Variants in KIFBP observed in about 807,000 individuals in gnomAD.
The protein encoded by KIFBP is KIF-binding protein.
In KIFBP, 46 loss-of-function variants were observed where a neutral mutation model predicts 58.9. That is an observed-to-expected ratio of 0.78 (90% CI 0.62 to 1.00). KIFBP has a LOEUF of 1.00. Ranked by LOEUF, KIFBP falls within the 50% of genes least tolerant of loss-of-function variation. The pLI, the probability that KIFBP is intolerant of heterozygous loss-of-function variation, is 0.00. For missense variants in KIFBP, 651 were observed against 752.9 expected (o/e 0.86, Z 1.58); for synonymous variants, 241 against 283.4 (o/e 0.85, Z 1.50).
intron 4 of KIFBP, among the ~76,000 whole-genome samples, chr10:69,008,079 T>G (rs989212895): frequency 6.6e-6 from 1 of 152,094 alleles, no homozygotes; most frequent in South Asian, 2.1e-4. Context: ...GAGTTTATCC[T>G]ATTTGCCTTT....
At chr10:69,015,335 C>CT (rs545220279) in intron 6 of KIFBP, 24 of 544,832 alleles carry the variant, frequency 4.4e-5, no homozygotes, top group African/African-American at 7.6e-5. Context: ...TATTTAAATA[C>CT]TTTTTTTTCC....
rs1211667916 is a variant in KIFBP, at chr10:69,008,377, T to TAAAAAAAAAAAAAA, written c.790-462_790-449dup. Among the ~76,000 whole-genome samples the TAAAAAAAAAAAAAA allele has an allele frequency of 1.9e-4, 14 of 75,414 alleles. 1 individual carries two copies. Among genetic ancestry groups the TAAAAAAAAAAAAAA allele is most frequent in the African/African-American group, 7.5e-4 (9 of 12,006 alleles). The allele number at this position is 75,414 out of a possible 152,430, so 49.5% of individuals were successfully genotyped here. A position where few individuals can be genotyped will look rare whatever the true frequency, so the allele number is the denominator to read the frequency against. On this transcript the variant is annotated intron_variant, in intron 4 of 6. Coordinates refer to ENST00000361983, the MANE Select transcript of KIFBP (RefSeq NM_015634.4). ...GGGCCAGAGTGAGACCCCTGTCTCG[T>TAAAAAAAAAAAAAA]AAAAAAAAAAAAAAATATATATATA... is the stretch of plus-strand genomic sequence containing the variant.
chr10:69,010,761 C>T, intron 5 of KIFBP, 139 bp from the exon 6 acceptor site: 1 of 669,888 alleles, frequency 1.5e-6, no homozygotes, highest in African/African-American at 1.8e-5. Context: ...GATCTTTCTT[C>T]CCTTTTCCCC....
chr10:69,009,073 C>A, intron 5 of KIFBP, 148 bp downstream of exon 5: 1 of 659,494 alleles, frequency 1.5e-6, no homozygotes, highest in South Asian at 1.7e-5. Flanking sequence ...CGCTTGGAAT[C>A]AAATTTTATT....
chr10:69,011,177 C>T (rs972266457), intron 6 of KIFBP, 162 bp downstream of exon 6: 16 of 633,086 alleles, frequency 2.5e-5, no homozygotes, highest in African/African-American at 5.5e-5. Context: ...TCGTATTCTT[C>T]GAATTGCTTG....
rs201438642 is a variant in KIFBP, at chr10:69,008,925, A to T, written c.874A>T (p.Thr292Ser). Reference sequence around the variant, plus strand: ...TGGAAAGATCTCAGCCACAGAAGACAGTAAGTTTACCTTTGCATGTTTTAC... The same window carrying T: ...TGGAAAGATCTCAGCCACAGAAGACTGTAAGTTTACCTTTGCATGTTTTAC... Reference protein sequence around the residue: ...QTGKISATEDTPEAEGEVPEL... With the variant: ...QTGKISATEDSPEAEGEVPEL... The change falls in exon 5 of 7, where the codon ACT becomes TCT. Residue 292 changes from threonine (T) to serine (S), a missense_variant and splice_region_variant. Coordinates refer to ENST00000361983, the MANE Select transcript of KIFBP (RefSeq NM_015634.4). 3 of 1,609,454 alleles carry T rather than the reference A, an allele frequency of 1.9e-6. No homozygotes were observed. In the South Asian group the frequency reaches 3.3e-5, roughly 18 times the overall value.
chr10:69,015,591 A>G lies in KIFBP; in HGVS notation c.1041A>G (p.Leu347=). ...ATAAACAGTCTGAACTTAGAGCTTT[A>G]AGGAAAAAAGAACTAGATGAGGAGG... The part of the protein sequence containing the change: ...DLDKQSELRA[L]RKKELDEEES... The change falls in exon 7 of 7, where the codon TTA becomes TTG. Residue 347 remains leucine (L), a synonymous_variant. Transcript: ENST00000361983. 6.2e-7 allele frequency: 1 copy of G among 1,613,490 alleles called. No homozygotes were observed.
chr10:68,998,771 A>ATATAT (rs1357079794), intron 1 of KIFBP, among the ~76,000 whole-genome samples: 4 of 99,856 alleles, frequency 4.0e-5, no homozygotes, highest in African/African-American at 7.4e-5. Context: ...ATATATATAT[A>ATATAT]TTTTTTTTTT....
chr10:69,016,324 G>A lies in KIFBP; in HGVS notation c.1774G>A (p.Glu592Lys). The A allele has an allele frequency of 6.2e-7, 1 of 1,610,528 alleles. No homozygotes were observed. Among genetic ancestry groups the A allele is most frequent in the Non-Finnish European group, 8.5e-7 (1 of 1,178,622 alleles). ...YCEKHPEAAQ[E>K]IEVELELSKE... ...TGAAAAGCATCCTGAGGCCGCCCAGGAAATAGAAGTTGAGCTAGAACTTAG... is the reference window on the plus strand; with the variant it reads ...TGAAAAGCATCCTGAGGCCGCCCAGAAAATAGAAGTTGAGCTAGAACTTAG... The change falls in exon 7 of 7, where the codon GAA (glutamate) becomes AAA (lysine). Residue 592 changes from glutamate to lysine, a missense_variant. Coordinates refer to ENST00000361983, the MANE Select transcript of KIFBP (RefSeq NM_015634.4).
intron 2 of KIFBP, among the ~76,000 whole-genome samples, chr10:69,002,356 A>G (rs1327077542): frequency 1.3e-5 from 2 of 151,684 alleles, no homozygotes; most frequent in African/African-American, 4.8e-5. Context: ...ACCGGGTTTC[A>G]CCATGTTGCC....
At position 69,008,377 on chromosome 10, in the gene KIFBP, T is replaced by TAAAAAAAAAAAAA. The variant is rs1211667916; in HGVS notation, c.790-461_790-449dup. Reference sequence around the variant, plus strand: ...GGGCCAGAGTGAGACCCCTGTCTCGTAAAAAAAAAAAAAAATATATATATA... The same window carrying TAAAAAAAAAAAAA: ...GGGCCAGAGTGAGACCCCTGTCTCGTAAAAAAAAAAAAAAAAAAAAAAAAAAAATATATATATA... On this transcript the variant is annotated intron_variant, in intron 4 of 6. Coordinates refer to ENST00000361983, the MANE Select transcript of KIFBP (RefSeq NM_015634.4). Among the ~76,000 whole-genome samples, 132 of 75,386 alleles carry TAAAAAAAAAAAAA rather than the reference T, an allele frequency of 1.8e-3. 12 individuals are homozygous for TAAAAAAAAAAAAA. Among genetic ancestry groups the TAAAAAAAAAAAAA allele is most frequent in the African/African-American group, 0.01 (121 of 11,978 alleles). The allele number at this position is 75,386 out of a possible 152,430, so 49.5% of individuals were successfully genotyped here.
At chr10:68,992,918 G>C (rs934045471) in intron 1 of KIFBP, among the ~76,000 whole-genome samples, 1 of 152,106 alleles carries the variant, frequency 6.6e-6, no homozygotes, top group African/African-American at 2.4e-5. Context: ...GTCACAGTAG[G>C]GTTGGGGAGG....
intron 1 of KIFBP, among the ~76,000 whole-genome samples, chr10:68,999,034 G>A (rs1000252727): frequency 6.6e-6 from 1 of 151,620 alleles, no homozygotes; most frequent in Admixed American, 6.6e-5. Context: ...GCCTACTTCG[G>A]CCTCCCAAAG....
chr10:68,994,736 A>G (rs1003250671), intron 1 of KIFBP, among the ~76,000 whole-genome samples: 2 of 152,122 alleles, frequency 1.3e-5, no homozygotes, highest in African/African-American at 4.8e-5. Context: ...TTAAGGGTAC[A>G]GTTTGATGAG....
intron 5 of KIFBP, among the ~76,000 whole-genome samples, chr10:69,010,183 T>G (rs1295630415): frequency 6.6e-6 from 1 of 152,236 alleles, no homozygotes; most frequent in Non-Finnish European, 1.5e-5. Context: ...CAAAATGTTC[T>G]TATTGAGCAT....
Position 68,989,054 on chromosome 10 carries a change from G to T in KIFBP, c.222G>T (p.Leu74=). 6.2e-7 allele frequency: 1 copy of T among 1,612,782 alleles called. No homozygotes were observed. Among genetic ancestry groups the T allele is most frequent in the East Asian group, 2.2e-5 (1 of 44,842 alleles). Residue 74 remains leucine, a synonymous_variant, in exon 1 of 7, where the codon CTG becomes CTT. Transcript: ENST00000361983. The part of the protein sequence containing the change: ...EDGPGAGDHA[L]GLPAEVVEPE... ...GCCCGGGTGCCGGTGACCACGCCCT[G>T]GGGCTGCCGGCTGAGGTGGTGGAGC...
intron 6 of KIFBP, 85 bp from the exon 7 acceptor site, chr10:69,015,456 A>T (rs1304079917): frequency 1.5e-6 from 2 of 1,364,818 alleles, no homozygotes; most frequent in African/African-American, 2.9e-5. Flanking sequence ...TTCTCTTCTA[A>T]AAAACTCTGA....
chr10:68,992,116 C>T (rs1843355096), intron 1 of KIFBP, among the ~76,000 whole-genome samples: 2 of 152,098 alleles, frequency 1.3e-5, no homozygotes, highest in African/African-American at 4.8e-5. Flanking sequence ...ACCTCAGCCT[C>T]CCAAATAGCT....
chr10:68,996,080 C>T (rs1281976636), intron 1 of KIFBP, among the ~76,000 whole-genome samples: 2 of 151,698 alleles, frequency 1.3e-5, no homozygotes, highest in Non-Finnish European at 2.9e-5. Flanking sequence ...ATCGCTAGAA[C>T]CCGGGAGGCG....
Sources: gnomAD v4.1 joint callset for allele counts (sites outside exome capture counted in the v4.1 genomes callset) on GRCh38, gnomAD v4.1.1 for gene constraint, MANE v1.5 for transcripts, NCBI Gene and HGNC (gene_info 2026-07-23, HGNC 2026-07-21) for gene names.